The following ANK2 variants were observed in gnomAD, a reference collection of about 807,000 sequenced individuals.
The protein encoded by ANK2 is ankyrin-2.
ANK2 carries 83 observed loss-of-function variants against 360.5 expected under a neutral mutation model. The observed-to-expected ratio is 0.23, with a 90% CI of 0.19 to 0.28. The LOEUF (loss-of-function observed/expected upper bound fraction) is 0.28, where lower values mean the gene tolerates loss of function less well. Among genes scored for constraint, ANK2 ranks in the 10% least tolerant of loss-of-function variants. ANK2 has a pLI of 1.00. For synonymous variants in ANK2, 1,740 were observed against 1,759.5 expected, an observed-to-expected ratio of 0.99 and a Z score of 0.28; for missense variants, 4,201 against 4,795.7, an observed-to-expected ratio of 0.88 and a Z score of 3.66.
chr4:113,150,362 A>G (rs1221072164), intron 1 of ANK2, among the ~76,000 whole-genome samples: 2 of 152,142 alleles, frequency 1.3e-5, no homozygotes, highest in Admixed American at 1.3e-4. Context: ...GCCAGTGTCC[A>G]TTGGGAGTGG....
At chr4:112,845,419 T>C (rs975749916) in intron 1 of ANK2, among the ~76,000 whole-genome samples, 1 of 151,914 alleles carries the variant, frequency 6.6e-6, no homozygotes, top group Non-Finnish European at 1.5e-5. Flanking sequence ...AAATATAGAA[T>C]AGATTTCTTC....
intron 2 of ANK2, among the ~76,000 whole-genome samples, chr4:113,014,929 G>A (rs1311062590): frequency 7.3e-6 from 1 of 136,648 alleles, no homozygotes; most frequent in African/African-American, 2.7e-5. Flanking sequence ...CGCGATCTCG[G>A]CTCACTGCAA....
chr4:112,965,713 T>C (rs2036943704), intron 2 of ANK2, among the ~76,000 whole-genome samples: 1 of 152,212 alleles, frequency 6.6e-6, no homozygotes, highest in Non-Finnish European at 1.5e-5. Context: ...CAGCAACATT[T>C]ATTAAAGAGA....
chr4:112,773,074 T>C, the ANK2 span, among the ~76,000 whole-genome samples: 2 of 152,116 alleles, frequency 1.3e-5, no homozygotes, highest in East Asian at 3.8e-4. Flanking sequence ...TCCCAAAACT[T>C]TGGGAGGTCG....
chr4:113,045,058 C>T (rs904392080), upstream of ANK2, among the ~76,000 whole-genome samples: 3 of 152,154 alleles, frequency 2.0e-5, no homozygotes, highest in African/African-American at 7.2e-5. Flanking sequence ...TAACAACAGA[C>T]AACTCTTGAC....
chr4:113,361,881 G>A (rs1255428507), intron 39 of ANK2, among the ~76,000 whole-genome samples: 1 of 151,938 alleles, frequency 6.6e-6, no homozygotes, highest in Non-Finnish European at 1.5e-5. Flanking sequence ...AATGCAATAT[G>A]TATATATTTG....
At chr4:113,294,267 T>G (rs928124094) in intron 22 of ANK2, among the ~76,000 whole-genome samples, 1 of 152,166 alleles carries the variant, frequency 6.6e-6, no homozygotes, top group Non-Finnish European at 1.5e-5. Flanking sequence ...TAAAGGAGCC[T>G]CCTGAGAGGG....
chr4:113,023,081 C>T (rs1444530573), intron 2 of ANK2, among the ~76,000 whole-genome samples: 1 of 151,628 alleles, frequency 6.6e-6, no homozygotes, highest in East Asian at 1.9e-4. Context: ...CACATGTTTA[C>T]GAATGTAACA....
chr4:113,308,950 A>C (rs2078532497), intron 23 of ANK2, among the ~76,000 whole-genome samples: 1 of 152,204 alleles, frequency 6.6e-6, no homozygotes, highest in African/African-American at 2.4e-5. Context: ...TCACCCACCA[A>C]GGGAAGCAAG....
Position 112,880,201 on chromosome 4 carries a change from ATG to A in ANK2, c.-39-24253_-39-24252del, listed in dbSNP as rs2076330082. On this transcript the variant is annotated intron_variant, in intron 1 of 30. Coordinates refer to the ANK2 transcript ENST00000503271. ...TGAAACCATCAATATGCTCAAAGGA[ATG>A]AACACATCTTTTATGCTTAAAAGTT... The A allele has an allele frequency of 1.3e-5, 2 of 152,232 alleles. 1 individual carries two copies. Among genetic ancestry groups the A allele is most frequent in the Admixed American group, 1.3e-4 (2 of 15,286 alleles). 9.4% of individuals were successfully genotyped at this position (152,232 alleles called of 1,614,324 possible).
At position 113,367,738 on chromosome 4, in the gene ANK2, C is replaced by T. The variant is rs895533888; in HGVS notation, c.11205C>T (p.Ser3735=). The change falls in exon 42 of 46, where the codon AGC becomes AGT. Residue 3735 remains serine (S), a synonymous_variant. Coordinates refer to ENST00000357077, the MANE Select transcript of ANK2 (RefSeq NM_001148.6). ...GCGTCCCCAAAACTGAGGGGGACAG[C>T]TCAGCAACAGCACTCTTTCCCCAAA... ...QDGVPKTEGD[S]SATALFPQTH... is the part of the protein sequence containing the mutation. 11 of 1,613,204 alleles carry T rather than the reference C, an allele frequency of 6.8e-6. No individual in the cohort carries two copies. The Admixed American group carries it at 1.2e-4, about 17-fold the overall frequency.
At chr4:113,110,166 C>T (rs1338807114) in intron 1 of ANK2, among the ~76,000 whole-genome samples, 2 of 151,942 alleles carry the variant, frequency 1.3e-5, no homozygotes, top group African/African-American at 2.4e-5. Flanking sequence ...TGGTGGAAGG[C>T]GAAGGAGGAG....
At chr4:112,802,083 G>T in the ANK2 span, among the ~76,000 whole-genome samples, 1 of 152,060 alleles carries the variant, frequency 6.6e-6, no homozygotes, top group Non-Finnish European at 1.5e-5. Context: ...CCTGGTTTCC[G>T]GTTTGGCTAC....
the ANK2 span, among the ~76,000 whole-genome samples, chr4:112,751,307 C>T: frequency 5.6e-4 from 85 of 152,260 alleles, 1 homozygote; most frequent in East Asian, 0.013. Flanking sequence ...AAGAAACACT[C>T]GGCCCTGAAT....
chr4:113,240,462 CTG>C, intron 7 of ANK2, 21 bp from the exon 8 acceptor site: 1 of 1,567,680 alleles, frequency 6.4e-7, no homozygotes. Flanking sequence ...GCTATACTGA[CTG>C]TCATATCTTT....
At chr4:112,744,117 C>T in the ANK2 span, among the ~76,000 whole-genome samples, 326 of 151,982 alleles carry the variant, frequency 2.1e-3, 1 homozygote, top group East Asian at 9.7e-4. Flanking sequence ...CCACCAGGCC[C>T]GGACATTTTG....
intron 1 of ANK2, among the ~76,000 whole-genome samples, chr4:113,102,526 C>T (rs1464487304): frequency 3.3e-5 from 5 of 151,958 alleles, no homozygotes; most frequent in South Asian, 4.2e-4. Context: ...GAGGAAGCCC[C>T]AGGACAGTTC....
intron 2 of ANK2, among the ~76,000 whole-genome samples, chr4:112,942,725 CAT>C (rs2094317358): frequency 6.6e-6 from 1 of 151,642 alleles, no homozygotes; most frequent in South Asian, 2.1e-4. Context: ...TGTGTGTACA[CAT>C]ATCAAATGCT....
intron 2 of ANK2, among the ~76,000 whole-genome samples, chr4:112,951,106 A>AAAAAAAAAAG (rs1427058829): frequency 6.7e-6 from 1 of 149,888 alleles, no homozygotes; most frequent in African/African-American, 2.5e-5. Flanking sequence ...AAAAAAAAAA[A>AAAAAAAAAAG]TGTGTGCCTC....
Sources: allele counts gnomAD v4.1 joint callset (sites outside exome capture counted in the v4.1 genomes callset), GRCh38; gene constraint gnomAD v4.1.1; transcripts MANE v1.5; gene names NCBI Gene and HGNC (gene_info 2026-07-23, HGNC 2026-07-21).